CDH12: variants seen among roughly 807,000 people sequenced by gnomAD.
The protein encoded by CDH12 is cadherin 12, also known as cadherin-12.
Under a neutral mutation model 74.1 loss-of-function variants are expected in CDH12, and 41 were observed. The observed-to-expected ratio is 0.55, with a 90% confidence interval of 0.43 to 0.72. The LOEUF is 0.72. CDH12 is among the 30% of genes least tolerant of loss of function. The pLI is 0.00. For missense variants in CDH12, 945 were observed against 977.2 expected (o/e 0.97, Z 0.44); for synonymous variants, 399 against 355.0 (o/e 1.12, Z -1.39).
At chr5:22,677,815 A>G (rs544622611) in intron 1 of CDH12, among the ~76,000 whole-genome samples, 1 of 152,194 alleles carries the variant, frequency 6.6e-6, no homozygotes, top group Admixed American at 6.5e-5. Flanking sequence ...AGTGGCTTAG[A>G]CAATTCAAAT....
chr5:22,467,279 T>C (rs1380195841), intron 2 of CDH12, among the ~76,000 whole-genome samples: 5 of 152,154 alleles, frequency 3.3e-5, no homozygotes, highest in African/African-American at 1.2e-4. Flanking sequence ...TGCTCTCCAT[T>C]TGTACTCTTA....
At chr5:21,828,771 T>G (rs1748824927) in intron 8 of CDH12, among the ~76,000 whole-genome samples, 1 of 152,310 alleles carries the variant, frequency 6.6e-6, no homozygotes, top group South Asian at 2.1e-4. Flanking sequence ...TCTTCTACTT[T>G]ACATATTTCT....
intron 3 of CDH12, among the ~76,000 whole-genome samples, chr5:22,324,706 T>A (rs1238799380): frequency 2.6e-5 from 4 of 152,068 alleles, no homozygotes; most frequent in African/African-American, 9.7e-5. Flanking sequence ...TTAATGTGGC[T>A]TCAAAAATAA....
intron 2 of CDH12, among the ~76,000 whole-genome samples, chr5:22,415,297 G>T (rs1743335729): frequency 6.6e-6 from 1 of 152,034 alleles, no homozygotes; most frequent in African/African-American, 2.4e-5. Flanking sequence ...TTTTTAAAAA[G>T]AACAAGCTGT....
intron 1 of CDH12, among the ~76,000 whole-genome samples, chr5:22,595,070 T>C (rs1026661939): frequency 2.6e-5 from 4 of 152,128 alleles, no homozygotes; most frequent in African/African-American, 7.2e-5. Flanking sequence ...CAAACAAATG[T>C]GGCCTTTAAA....
At chr5:22,405,587 A>C (rs899272189) in intron 2 of CDH12, among the ~76,000 whole-genome samples, 4 of 152,208 alleles carry the variant, frequency 2.6e-5, no homozygotes, top group African/African-American at 9.6e-5. Context: ...GCATTGCCTA[A>C]GAAAGAGAAA....
intron 6 of CDH12, among the ~76,000 whole-genome samples, chr5:21,908,532 C>G (rs1753736548): frequency 6.6e-6 from 1 of 152,110 alleles, no homozygotes; most frequent in Admixed American, 6.6e-5. Flanking sequence ...TCCAGAAGCT[C>G]TCTCCAAGGC....
At chr5:22,434,744 G>GA (rs1421012884) in intron 2 of CDH12, among the ~76,000 whole-genome samples, 1 of 151,912 alleles carries the variant, frequency 6.6e-6, no homozygotes, top group East Asian at 1.9e-4. Context: ...CATATTTCAA[G>GA]AAAAAATAGA....
chr5:22,226,716 C>T (rs1465375522), intron 3 of CDH12, among the ~76,000 whole-genome samples: 5 of 152,104 alleles, frequency 3.3e-5, no homozygotes, highest in Admixed American at 6.6e-5. Context: ...ACCGTGTCCA[C>T]TGTAAGACAT....
chr5:22,746,083 T>C (rs1278262653), intron 1 of CDH12, among the ~76,000 whole-genome samples: 2 of 151,890 alleles, frequency 1.3e-5, no homozygotes, highest in African/African-American at 4.9e-5. Flanking sequence ...CATCTGTCAA[T>C]TGAAAAAAAT....
At chr5:22,174,695 CT>C (rs1314141075) in intron 4 of CDH12, among the ~76,000 whole-genome samples, 1 of 151,892 alleles carries the variant, frequency 6.6e-6, no homozygotes, top group African/African-American at 2.4e-5. Context: ...CAAGTAAAGA[CT>C]GAGTCAAAAT....
intron 4 of CDH12, among the ~76,000 whole-genome samples, chr5:22,153,079 A>C (rs184049766): frequency 3.3e-4 from 50 of 151,778 alleles, no homozygotes; most frequent in African/African-American, 4.6e-4. Context: ...ATTGGAGCAC[A>C]GATATTTTTA....
rs573191483 is a variant in CDH12 at position 22,507,894 on chromosome 5, C to G, written c.-522-2530G>C. ...AAAATCCATTTCTCGCCTCTTCCAG[C>G]TTCTGGTGACTGCCATCGTGCCTTG... On this transcript the variant is annotated intron_variant, in intron 1 of 14. Transcript: ENST00000382254. Among the ~76,000 whole-genome samples the G allele has an allele frequency of 3.9e-5, 6 of 152,300 alleles. No individual in the cohort carries two copies. The East Asian group carries it at 1.2e-3, about 29-fold the overall frequency.
intron 4 of CDH12, among the ~76,000 whole-genome samples, chr5:22,101,596 A>G (rs1002487034): frequency 6.6e-6 from 1 of 152,142 alleles, no homozygotes; most frequent in African/African-American, 2.4e-5. Context: ...TTTCCATCTT[A>G]ATAAGGAACA....
intron 1 of CDH12, among the ~76,000 whole-genome samples, chr5:22,709,453 A>G (rs888632835): frequency 6.6e-6 from 1 of 152,172 alleles, no homozygotes; most frequent in Non-Finnish European, 1.5e-5. Flanking sequence ...TTTTGCAATC[A>G]AACAGAAAAA....
At chr5:22,409,944 C>G (rs1743108270) in intron 2 of CDH12, among the ~76,000 whole-genome samples, 1 of 151,944 alleles carries the variant, frequency 6.6e-6, no homozygotes, top group Admixed American at 6.6e-5. Context: ...TACATGGTGG[C>G]ATTATAAAAG....
chr5:22,346,722 T>C (rs1740130852), intron 3 of CDH12, among the ~76,000 whole-genome samples: 1 of 152,180 alleles, frequency 6.6e-6, no homozygotes, highest in Admixed American at 6.5e-5. Context: ...GTTCAGAGGT[T>C]GATTGCCCAC....
chr5:22,720,581 G>T (rs1743830830), intron 1 of CDH12, among the ~76,000 whole-genome samples: 1 of 152,144 alleles, frequency 6.6e-6, no homozygotes, highest in Non-Finnish European at 1.5e-5. Flanking sequence ...GGTTGGAACA[G>T]TTTGGAGGGC....
chr5:22,721,276 C>T (rs1743868787), intron 1 of CDH12, among the ~76,000 whole-genome samples: 1 of 152,214 alleles, frequency 6.6e-6, no homozygotes, highest in Non-Finnish European at 1.5e-5. Context: ...GGGAGCCTAC[C>T]TCTTGCATCA....
Sources: allele counts gnomAD v4.1 joint callset (sites outside exome capture counted in the v4.1 genomes callset), GRCh38; gene constraint gnomAD v4.1.1; transcripts MANE v1.5; gene names NCBI Gene and HGNC (gene_info 2026-07-23, HGNC 2026-07-21).